MELK: variants seen among roughly 807,000 people sequenced by gnomAD.
The protein encoded by MELK is maternal embryonic leucine zipper kinase.
Under a neutral mutation model 85.0 loss-of-function variants are expected in MELK, and 81 were observed. The ratio of observed to expected loss-of-function variants is 0.95; its 90% CI spans 0.80 to 1.15. MELK has a LOEUF of 1.15. Among genes scored for constraint, MELK ranks in the 50% most tolerant of loss-of-function variants. MELK has a pLI of 0.00. For missense variants in MELK, 754 were observed against 777.5 expected, an observed-to-expected ratio of 0.97 and a Z score of 0.36; for synonymous variants, 252 against 265.0, an observed-to-expected ratio of 0.95 and a Z score of 0.48.
rs181944812 is a variant in MELK, at chr9:36,575,437, C to G, written c.-39+2430C>G. 1.5e-4 allele frequency among the ~76,000 whole-genome samples: 23 copies of G among 152,280 alleles called. No homozygotes were observed. The East Asian group carries it at 4.1e-3, about 27-fold the overall frequency. Reference sequence around the variant, plus strand: ...CAAAGATTTACAAATCAAGTATAATCTGCTATTAGTGTAGGAGTTTGTAAT... The same window carrying G: ...CAAAGATTTACAAATCAAGTATAATGTGCTATTAGTGTAGGAGTTTGTAAT... On this transcript the variant is annotated intron_variant, in intron 1 of 17. Transcript: ENST00000298048.
intron 13 of MELK, among the ~76,000 whole-genome samples, chr9:36,664,721 T>C (rs757046233): frequency 2.0e-5 from 3 of 152,166 alleles, no homozygotes; most frequent in Non-Finnish European, 2.9e-5. Flanking sequence ...CATGGGAGCT[T>C]TGGTTCTAAC....
At chr9:36,616,769 A>G (rs1587450862) in intron 8 of MELK, among the ~76,000 whole-genome samples, 1 of 150,170 alleles carries the variant, frequency 6.7e-6, no homozygotes, top group Non-Finnish European at 1.5e-5. Flanking sequence ...ATTAGCCTGC[A>G]TATGTAAGGA....
intron 8 of MELK, among the ~76,000 whole-genome samples, chr9:36,629,849 T>G (rs1828346533): frequency 6.8e-6 from 1 of 147,916 alleles, no homozygotes; most frequent in African/African-American, 2.5e-5. Flanking sequence ...AATTGTTTTT[T>G]TTTTTTTTTT....
intron 7 of MELK, among the ~76,000 whole-genome samples, chr9:36,605,615 C>T (rs1325943116): frequency 6.6e-6 from 1 of 151,814 alleles, no homozygotes; most frequent in Non-Finnish European, 1.5e-5. Context: ...TTCTGACCTC[C>T]TGCAACTTGG....
At chr9:36,615,978 C>T (rs10814415) in intron 8 of MELK, among the ~76,000 whole-genome samples, 2 of 152,016 alleles carry the variant, frequency 1.3e-5, no homozygotes, top group South Asian at 2.1e-4. Flanking sequence ...GCTGCAATCT[C>T]GGCACTTTGG....
chr9:36,615,208 C>G (rs1435777074), intron 8 of MELK, among the ~76,000 whole-genome samples: 1 of 143,852 alleles, frequency 7.0e-6, no homozygotes, highest in Non-Finnish European at 1.5e-5. Context: ...CTGACCCCCC[C>G]ACCTCCCTCC....
intron 14 of MELK, among the ~76,000 whole-genome samples, chr9:36,665,789 T>C (rs763259338): frequency 4.6e-5 from 7 of 152,234 alleles, no homozygotes; most frequent in African/African-American, 7.2e-5. Context: ...TTTTTCCTCT[T>C]TTTCACGTTT....
chr9:36,631,610 C>G (rs1245112493), intron 9 of MELK, among the ~76,000 whole-genome samples: 2 of 151,546 alleles, frequency 1.3e-5, no homozygotes, highest in African/African-American at 4.8e-5. Context: ...GGGTTTTACT[C>G]TGTCGCCCAG....
chr9:36,642,995 A>C lies in MELK; in HGVS notation c.835-2A>C. On this transcript the variant is annotated splice_acceptor_variant, in intron 10 of 17. Coordinates refer to ENST00000298048, the MANE Select transcript of MELK (RefSeq NM_014791.4). LOFTEE classifies it high-confidence loss of function. ...AATAAAGTGCATAATTTTTTTTTGT[A>C]GTTTATTCACCTCGATGATGATTGC... The C allele has an allele frequency of 6.3e-7, 1 of 1,595,018 alleles. No individual in the cohort carries two copies.
At chr9:36,580,042 T>C (rs1473009473) in intron 1 of MELK, among the ~76,000 whole-genome samples, 206 of 143,974 alleles carry the variant, frequency 1.4e-3, no homozygotes, top group African/African-American at 5.2e-3. Flanking sequence ...TGTCTTCTTT[T>C]TTTTTTTTTT....
intron 12 of MELK, among the ~76,000 whole-genome samples, chr9:36,656,384 A>G (rs1831245554): frequency 6.6e-6 from 1 of 152,240 alleles, no homozygotes; most frequent in African/African-American, 2.4e-5. Context: ...ATGTTGCAAG[A>G]CATATTATTT....
chr9:36,677,258 T>G lies in MELK; in HGVS notation c.1877T>G (p.Ile626Ser), dbSNP rs1288856837. ...CTTCAAAAACCCGATGTGGTGGGTATCAGGAGGCAGCGGCTTAAGGGCGAT... is the reference window on the plus strand; with the variant it reads ...CTTCAAAAACCCGATGTGGTGGGTAGCAGGAGGCAGCGGCTTAAGGGCGAT... ...CQLQKPDVVG[I>S]RRQRLKGDAW... Residue 626 changes from isoleucine (I) to serine (S), a missense_variant, in exon 18 of 18, where the codon ATC becomes AGC. Coordinates refer to ENST00000298048, the MANE Select transcript of MELK (RefSeq NM_014791.4). 1 of 1,614,146 alleles carries G rather than the reference T, an allele frequency of 6.2e-7. No homozygotes were observed. Among genetic ancestry groups the G allele is most frequent in the Non-Finnish European group, 8.5e-7 (1 of 1,179,994 alleles).
intron 3 of MELK, among the ~76,000 whole-genome samples, chr9:36,585,888 T>A (rs532924375): frequency 3.2e-4 from 48 of 152,098 alleles, no homozygotes; most frequent in African/African-American, 1.1e-3. Context: ...CAGTGAGCTG[T>A]GATTGCACCA....
intron 7 of MELK, among the ~76,000 whole-genome samples, chr9:36,601,339 T>G (rs565930689): frequency 2.0e-5 from 3 of 151,820 alleles, no homozygotes; most frequent in African/African-American, 7.2e-5. Context: ...GCTTTCTTTA[T>G]TTTTTTTGAT....
chr9:36,585,715 T>C (rs952810967), intron 3 of MELK, among the ~76,000 whole-genome samples: 14 of 152,136 alleles, frequency 9.2e-5, no homozygotes, highest in African/African-American at 3.1e-4. Flanking sequence ...GGCCAGAGGA[T>C]TGCTTGAGGC....
rs1270873534 is a variant in MELK at position 36,607,748 on chromosome 9, G to T, written c.666+75G>T. ...ATAGTATATGCTTTCATTCATAAAT[G>T]TACAAAAACAGGCATAAAAGTTATT... On this transcript the variant is annotated intron_variant, in intron 8 of 17. Transcript: ENST00000298048. 8 of 1,051,608 alleles carry T rather than the reference G, an allele frequency of 7.6e-6. No homozygotes were observed. The Admixed American group carries it at 1.4e-4, about 18-fold the overall frequency. The allele number at this position is 1,051,608 out of a possible 1,614,324, so 65.1% of individuals were successfully genotyped here. A position where few individuals can be genotyped will look rare whatever the true frequency, so the allele number is the denominator to read the frequency against.
At chr9:36,618,240 C>T (rs1298440827) in intron 8 of MELK, among the ~76,000 whole-genome samples, 1 of 151,836 alleles carries the variant, frequency 6.6e-6, no homozygotes, top group Non-Finnish European at 1.5e-5. Context: ...GAAACCCCAT[C>T]TCTACTAAAA....
At position 36,589,559 on chromosome 9, in the gene MELK, G is replaced by T; in HGVS notation, c.168G>T (p.Thr56=). The change falls in exon 4 of 18, where the codon ACG becomes ACT. Residue 56 remains threonine, a synonymous_variant. Coordinates refer to ENST00000298048, the MANE Select transcript of MELK (RefSeq NM_014791.4). ...TLGSDLPRIK[T]EIEALKNLRH... ...AGAGTGATTTGCCCCGGATCAAAACGGAGATTGAGGCCTTGAAGAACCTGA... is the reference window on the plus strand; with the variant it reads ...AGAGTGATTTGCCCCGGATCAAAACTGAGATTGAGGCCTTGAAGAACCTGA... 1 of 1,613,920 alleles carries T rather than the reference G, an allele frequency of 6.2e-7. No individual in the cohort carries two copies. The highest frequency in any genetic ancestry group is 1.3e-5 in the African/African-American group (1 of 75,030).
At chr9:36,590,380 G>C (rs540195829) in intron 4 of MELK, among the ~76,000 whole-genome samples, 2 of 152,172 alleles carry the variant, frequency 1.3e-5, no homozygotes, top group Non-Finnish European at 2.9e-5. Flanking sequence ...TGGAGGTTCT[G>C]AGAGGGAATC....
Sources: gnomAD v4.1 joint callset for allele counts (sites outside exome capture counted in the v4.1 genomes callset) on GRCh38, gnomAD v4.1.1 for gene constraint, MANE v1.5 for transcripts, NCBI Gene and HGNC (gene_info 2026-07-23, HGNC 2026-07-21) for gene names.